Variants in EFCAB6 observed in about 807,000 individuals in gnomAD.
EFCAB6 encodes EF-hand calcium-binding domain-containing protein 6.
EFCAB6 carries 156 observed loss-of-function variants against 169.8 expected under a neutral mutation model. The observed-to-expected ratio is 0.92, with a 90% CI of 0.81 to 1.05. EFCAB6 has a LOEUF of 1.05. EFCAB6 is among the 50% of genes least tolerant of loss of function. The pLI is 0.00. For synonymous variants in EFCAB6, 698 were observed against 676.4 expected, an observed-to-expected ratio of 1.03 and a Z score of -0.50; for missense variants, 1,800 against 1,829.1, an observed-to-expected ratio of 0.98 and a Z score of 0.29.
intron 2 of EFCAB6, among the ~76,000 whole-genome samples, chr22:43,788,695 A>C (rs1190006468): frequency 6.6e-6 from 1 of 152,236 alleles, no homozygotes; most frequent in Non-Finnish European, 1.5e-5. Context: ...TTAAACATAG[A>C]GTTGCCATAC....
At chr22:43,541,386 C>T (rs1442525887) in intron 27 of EFCAB6, among the ~76,000 whole-genome samples, 1 of 152,122 alleles carries the variant, frequency 6.6e-6, no homozygotes, top group Non-Finnish European at 1.5e-5. Flanking sequence ...TATCTTTTTA[C>T]TTTTTATTTA....
intron 21 of EFCAB6, 77 bp from the exon 22 acceptor site, chr22:43,608,677 T>C (rs1360891294): frequency 3.6e-6 from 5 of 1,394,976 alleles, no homozygotes; most frequent in Non-Finnish European, 4.1e-6. Context: ...AATTAGTCAA[T>C]ATGTGGGAAA....
intron 8 of EFCAB6, among the ~76,000 whole-genome samples, chr22:43,720,447 G>C (rs1489642767): frequency 6.6e-6 from 1 of 152,096 alleles, no homozygotes; most frequent in African/African-American, 2.4e-5. Flanking sequence ...AGGAGTTCAA[G>C]GCTGCAGTGA....
At chr22:43,563,378 G>A (rs2049196053) in intron 26 of EFCAB6, among the ~76,000 whole-genome samples, 1 of 152,140 alleles carries the variant, frequency 6.6e-6, no homozygotes, top group African/African-American at 2.4e-5. Context: ...GACCAGCCTG[G>A]GCAACATGAC....
At chr22:43,699,753 C>T (rs1360564561) in intron 10 of EFCAB6, among the ~76,000 whole-genome samples, 1 of 152,194 alleles carries the variant, frequency 6.6e-6, no homozygotes, top group Admixed American at 6.5e-5. Context: ...ACGTGGGTTA[C>T]CACGGTTTCA....
At chr22:43,676,901 T>C (rs914820103) in intron 13 of EFCAB6, among the ~76,000 whole-genome samples, 2 of 152,150 alleles carry the variant, frequency 1.3e-5, no homozygotes, top group African/African-American at 4.8e-5. Flanking sequence ...TAAACCATCT[T>C]AAAGCTTTCC....
intron 10 of EFCAB6, among the ~76,000 whole-genome samples, chr22:43,708,089 TA>T (rs137824): frequency 0.26 from 29,675 of 115,492 alleles, 3,225 homozygotes; most frequent in Middle Eastern, 0.33. Context: ...TAAAGAAAAC[TA>T]AAAAAAAAAA....
intron 8 of EFCAB6, among the ~76,000 whole-genome samples, chr22:43,718,874 C>T (rs1204585270): frequency 4.6e-5 from 7 of 152,182 alleles, no homozygotes; most frequent in African/African-American, 7.2e-5. Flanking sequence ...CCTGGTGTCT[C>T]AGGACATTTG....
chr22:43,575,776 G>C lies in EFCAB6; in HGVS notation c.3420+521C>G, dbSNP rs1306833365. On this transcript the variant is annotated intron_variant, in intron 26 of 31. Transcript: ENST00000262726. ...ATTACTCACTAGCTGGGTGACTGTG[G>C]ATAATACTTAATGTCTCTGTGCCAA... Among the ~76,000 whole-genome samples the C allele has an allele frequency of 2.6e-5, 4 of 152,184 alleles. No homozygotes were observed. In the East Asian group the frequency reaches 7.7e-4, roughly 29 times the overall value.
intron 19 of EFCAB6, among the ~76,000 whole-genome samples, chr22:43,630,584 A>G (rs548130823): frequency 2.1e-4 from 32 of 152,348 alleles, no homozygotes; most frequent in African/African-American, 7.5e-4. Flanking sequence ...GCAATGGGCA[A>G]GGTGCAGTGA....
chr22:43,584,416 G>A (rs532005134), intron 24 of EFCAB6, among the ~76,000 whole-genome samples: 75 of 152,182 alleles, frequency 4.9e-4, no homozygotes, highest in Middle Eastern at 3.4e-3. Context: ...GAAATTCTGG[G>A]GGCCCAGTCT....
chr22:43,778,957 CAGA>C (rs1271272197), intron 3 of EFCAB6, among the ~76,000 whole-genome samples: 1 of 151,686 alleles, frequency 6.6e-6, no homozygotes, highest in African/African-American at 2.4e-5. Flanking sequence ...AAACAGTCAT[CAGA>C]AGAACACCCA....
chr22:43,641,150 T>C (rs1303623964), intron 17 of EFCAB6, among the ~76,000 whole-genome samples: 2 of 152,162 alleles, frequency 1.3e-5, no homozygotes, highest in African/African-American at 2.4e-5. Flanking sequence ...TCACTAAAAG[T>C]TGAATAAGAA....
intron 17 of EFCAB6, among the ~76,000 whole-genome samples, chr22:43,644,946 T>C (rs1158399438): frequency 6.6e-6 from 1 of 152,248 alleles, no homozygotes; most frequent in African/African-American, 2.4e-5. Context: ...CTTCTTAATT[T>C]CTACATTCCC....
chr22:43,653,815 C>T (rs531646762), intron 17 of EFCAB6, among the ~76,000 whole-genome samples: 1 of 152,244 alleles, frequency 6.6e-6, no homozygotes, highest in East Asian at 1.9e-4. Flanking sequence ...CTTTCATGGG[C>T]TTTCATGCCA....
At chr22:43,534,595 TG>T in intron 30 of EFCAB6, 92 bp downstream of exon 30, 2 of 1,196,640 alleles carry the variant, frequency 1.7e-6, no homozygotes, top group Non-Finnish European at 2.3e-6. Context: ...TTCTCCAGTC[TG>T]GGCAATAGAG....
chr22:43,659,134 C>T (rs1046406227), intron 17 of EFCAB6, among the ~76,000 whole-genome samples: 1 of 152,236 alleles, frequency 6.6e-6, no homozygotes, highest in Non-Finnish European at 1.5e-5. Context: ...GTGAGGATTT[C>T]TTATGCGCTC....
intron 18 of EFCAB6, among the ~76,000 whole-genome samples, chr22:43,634,424 C>T (rs2055221129): frequency 6.6e-6 from 1 of 152,148 alleles, no homozygotes; most frequent in African/African-American, 2.4e-5. Flanking sequence ...CTCACACGGT[C>T]ATCTCCAGAC....
intron 25 of EFCAB6, among the ~76,000 whole-genome samples, chr22:43,576,751 G>C (rs1052009747): frequency 6.6e-6 from 1 of 152,222 alleles, no homozygotes; most frequent in African/African-American, 2.4e-5. Context: ...GGAGAATAAA[G>C]AGGAATCCTG....
Sources: gnomAD v4.1 joint callset for allele counts (sites outside exome capture counted in the v4.1 genomes callset) on GRCh38, gnomAD v4.1.1 for gene constraint, MANE v1.5 for transcripts, NCBI Gene and HGNC (gene_info 2026-07-23, HGNC 2026-07-21) for gene names.